ZNF665: variants seen among roughly 807,000 people sequenced by gnomAD.
ZNF665 encodes the protein zinc finger protein 665.
A neutral mutation model predicts 7.9 loss-of-function variants in ZNF665; 6 were observed. That is an observed-to-expected ratio of 0.76 (90% CI 0.42 to 1.50). The LOEUF is 1.50. Ranked by LOEUF, ZNF665 falls within the 40% of genes most tolerant of loss-of-function variation. ZNF665 has a pLI of 0.01. For synonymous variants in ZNF665, 242 were observed against 274.5 expected (o/e 0.88, Z 1.17); for missense variants, 819 against 806.7 (o/e 1.02, Z -0.18).
intron 1 of ZNF665, among the ~76,000 whole-genome samples, chr19:53,192,792 C>T (rs1363159623): frequency 6.6e-6 from 1 of 152,014 alleles, no homozygotes; most frequent in African/African-American, 2.4e-5. Flanking sequence ...ACCTCCCCAA[C>T]GCGGGCTCAG....
At chr19:53,168,506 T>C (rs2090634594) in intron 3 of ZNF665, among the ~76,000 whole-genome samples, 2 of 152,210 alleles carry the variant, frequency 1.3e-5, no homozygotes, top group Non-Finnish European at 2.9e-5. Context: ...GAAGACTCAA[T>C]ATTGTTAAAA....
chr19:53,182,754 G>A lies in ZNF665; in HGVS notation c.15+130C>T. The A allele has an allele frequency of 3.4e-6, 5 of 1,458,252 alleles. No individual in the cohort carries two copies. The South Asian group carries it at 4.6e-5, about 13-fold the overall frequency. 90.3% of individuals were successfully genotyped at this position (1,458,252 alleles called of 1,614,324 possible). A position where few individuals can be genotyped will look rare whatever the true frequency, so the allele number is the denominator to read the frequency against. On this transcript the variant is annotated intron_variant, in intron 2 of 3. Transcript: ENST00000396424. ...TCTAAGTGAGATGAGAGGGACTGAG[G>A]GAAGGCACGAGTGAGTGCGAGCAAA...
In ZNF665 at chr19:53,166,135, T is replaced by A. The variant is rs376696382; in HGVS notation, c.355A>T (p.Asn119Tyr). ...CGTTGAGCTCTTCTACCAGGGAGAT[T>A]TTCTTTTTGCAACATAAGTACTGTT... Reference protein sequence around the residue: ...YKTVLMLQKENLPGRRAQRDR... With the variant: ...YKTVLMLQKEYLPGRRAQRDR... Residue 119 changes from asparagine to tyrosine, a missense_variant, in exon 4 of 4, where the codon AAT becomes TAT. Asn to Tyr is a moderately radical substitution (Grantham distance 143, BLOSUM62 -2). Transcript: ENST00000396424. 5 of 1,613,662 alleles carry A rather than the reference T, an allele frequency of 3.1e-6. 1 individual carries two copies. Among genetic ancestry groups the A allele is most frequent in the Non-Finnish European group, 4.2e-6 (5 of 1,179,810 alleles).
At position 53,165,622 on chromosome 19, in the gene ZNF665, A is replaced by G; in HGVS notation, c.868T>C (p.Tyr290His). The G allele has an allele frequency of 1.2e-6, 2 of 1,614,100 alleles. No homozygotes were observed. The highest frequency in any genetic ancestry group is 1.1e-5 in the South Asian group (1 of 91,078). The change falls in exon 4 of 4, where the codon TAC becomes CAC. Residue 290 changes from tyrosine (Y) to histidine (H), a missense_variant. Physicochemically the swap from Tyr to His is moderately conservative, Grantham distance 83 (BLOSUM62 2). Coordinates refer to ENST00000396424, the MANE Select transcript of ZNF665 (RefSeq NM_024733.5). ...CACTTGCCACATTCCTTACATTTGT[A>G]AGGTTTTTCTCCAGTATGGATGACC... ...HQVIHTGEKP[Y>H]KCKECGKCFT...
Position 53,163,894 on chromosome 19 carries a change from G to A in ZNF665, c.*559C>T, listed in dbSNP as rs6509728. 0.44 allele frequency: 66,826 copies of A among 152,080 alleles called. 17,090 individuals are homozygous for A. Among genetic ancestry groups the A allele is most frequent in the African/African-American group, 0.71 (29,413 of 41,468 alleles). The allele number at this position is 152,080 out of a possible 1,614,324, so 9.4% of individuals were successfully genotyped here. A position where few individuals can be genotyped will look rare whatever the true frequency, so the allele number is the denominator to read the frequency against. On this transcript the variant is annotated 3_prime_UTR_variant, in exon 4 of 4. Coordinates refer to ENST00000396424, the MANE Select transcript of ZNF665 (RefSeq NM_024733.5). ...GTAATAGTCTCAGCATGCATGTTAC[G>A]TTTGTGTGACTTCATCAAAGATGTA...
intron 3 of ZNF665, among the ~76,000 whole-genome samples, chr19:53,171,643 C>T (rs1386696103): frequency 1.3e-5 from 2 of 151,094 alleles, no homozygotes; most frequent in African/African-American, 4.9e-5. Flanking sequence ...AATTCTCTGC[C>T]TCAGCCTCCC....
At chr19:53,167,496 C>T (rs1428402925) in intron 3 of ZNF665, among the ~76,000 whole-genome samples, 1 of 150,606 alleles carries the variant, frequency 6.6e-6, no homozygotes, top group Non-Finnish European at 1.5e-5. Flanking sequence ...GCTTTGTCAC[C>T]CAGGCAGTGG....
chr19:53,172,048 C>T (rs977639218), intron 3 of ZNF665, among the ~76,000 whole-genome samples: 32 of 152,080 alleles, frequency 2.1e-4, no homozygotes, highest in Non-Finnish European at 3.8e-4. Context: ...GCCACCACAC[C>T]CGGCCAGATT....
chr19:53,193,032 C>G (rs1168767717), intron 1 of ZNF665, among the ~76,000 whole-genome samples: 1 of 152,156 alleles, frequency 6.6e-6, no homozygotes, highest in African/African-American at 2.4e-5. Flanking sequence ...CAGATGAGGA[C>G]TTCACAGGGC....
chr19:53,171,300 A>C (rs1178328556), intron 3 of ZNF665, among the ~76,000 whole-genome samples: 1 of 151,634 alleles, frequency 6.6e-6, no homozygotes, highest in Non-Finnish European at 1.5e-5. Flanking sequence ...ATCACTTTTT[A>C]TTATGATATG....
Position 53,172,985 on chromosome 19 carries a change from A to G in ZNF665, c.142+2460T>C, listed in dbSNP as rs539946040. 2.0e-5 allele frequency among the ~76,000 whole-genome samples: 3 copies of G among 152,256 alleles called. No individual in the cohort carries two copies. In the East Asian group the frequency reaches 5.8e-4, roughly 29 times the overall value. Reference sequence around the variant, plus strand: ...TACAAATTGCAAATACTTTCTCACAATCCGTAGGTTGTCTCTTCATTATGT... The same window carrying G: ...TACAAATTGCAAATACTTTCTCACAGTCCGTAGGTTGTCTCTTCATTATGT... On this transcript the variant is annotated intron_variant, in intron 3 of 3. Coordinates refer to ENST00000396424, the MANE Select transcript of ZNF665 (RefSeq NM_024733.5).
chr19:53,170,624 T>C (rs561089923), intron 3 of ZNF665, among the ~76,000 whole-genome samples: 20 of 152,226 alleles, frequency 1.3e-4, no homozygotes, highest in Non-Finnish European at 2.6e-4. Context: ...CTTCCTTCTT[T>C]TAAAGGCTAC....
chr19:53,173,950 C>T (rs1236387477), intron 3 of ZNF665, among the ~76,000 whole-genome samples: 2 of 152,132 alleles, frequency 1.3e-5, no homozygotes, highest in Admixed American at 6.6e-5. Flanking sequence ...TTGTCACCCA[C>T]ACCCACAAAC....
chr19:53,178,500 G>A (rs770058011), intron 2 of ZNF665, among the ~76,000 whole-genome samples: 2 of 152,166 alleles, frequency 1.3e-5, no homozygotes, highest in Non-Finnish European at 2.9e-5. Flanking sequence ...AAGGCAGGCA[G>A]ATTGTTTGAA....
chr19:53,168,323 C>T (rs2090633375), intron 3 of ZNF665, among the ~76,000 whole-genome samples: 1 of 151,964 alleles, frequency 6.6e-6, no homozygotes, highest in Non-Finnish European at 1.5e-5. Flanking sequence ...AATGAATAAT[C>T]AGAAAGTTTT....
At position 53,171,281 on chromosome 19, in the gene ZNF665, C is replaced by T. The variant is rs952288987; in HGVS notation, c.142+4164G>A. Reference sequence around the variant, plus strand: ...GATTACAGGCTTGAGCCACCGCATGCGGCAAGAGATCACTTTTTATTATGA... The same window carrying T: ...GATTACAGGCTTGAGCCACCGCATGTGGCAAGAGATCACTTTTTATTATGA... On this transcript the variant is annotated intron_variant, in intron 3 of 3. Transcript: ENST00000396424. Among the ~76,000 whole-genome samples the T allele has an allele frequency of 4.6e-5, 7 of 151,804 alleles. No homozygotes were observed. In the Middle Eastern group the frequency reaches 9.5e-3, roughly 206 times the overall value.
chr19:53,178,452 G>C (rs2090713914), intron 2 of ZNF665, among the ~76,000 whole-genome samples: 1 of 152,162 alleles, frequency 6.6e-6, no homozygotes, highest in Non-Finnish European at 1.5e-5. Flanking sequence ...GGCCAGGCAT[G>C]GTGGCTCATG....
intron 2 of ZNF665, chr19:53,180,769 A>G (rs2090732436): frequency 6.6e-6 from 1 of 152,186 alleles, no homozygotes. Flanking sequence ...TAAAAACGCT[A>G]AAACAAAAAT....
At chr19:53,190,641 A>G (rs2090809946) in intron 1 of ZNF665, among the ~76,000 whole-genome samples, 1 of 152,222 alleles carries the variant, frequency 6.6e-6, no homozygotes, top group African/African-American at 2.4e-5. Flanking sequence ...ATCCTTTATA[A>G]CAATTAGGTA....
Sources: allele counts gnomAD v4.1 joint callset (sites outside exome capture counted in the v4.1 genomes callset), GRCh38; gene constraint gnomAD v4.1.1; transcripts MANE v1.5; gene names NCBI Gene and HGNC (gene_info 2026-07-23, HGNC 2026-07-21).